Variants in ASH2L observed in about 807,000 individuals in gnomAD.
ASH2L encodes set1/Ash2 histone methyltransferase complex subunit ASH2.
Under a neutral mutation model 81.1 loss-of-function variants are expected in ASH2L, and 30 were observed. The observed-to-expected ratio is 0.37, with a 90% CI of 0.28 to 0.50. The LOEUF is 0.50. Ranked by LOEUF, ASH2L falls within the 20% of genes least tolerant of loss-of-function variation. The pLI is 0.95. For synonymous variants in ASH2L, 273 were observed against 279.9 expected, an observed-to-expected ratio of 0.98 and a Z score of 0.24; for missense variants, 559 against 792.1, an observed-to-expected ratio of 0.71 and a Z score of 3.53.
intron 10 of ASH2L, among the ~76,000 whole-genome samples, chr8:38,121,365 ATATAT>A (rs1204969937): frequency 7.1e-6 from 1 of 141,756 alleles, no homozygotes; most frequent in Non-Finnish European, 1.5e-5. Context: ...ATATATATAT[ATATAT>A]ATATATATGG....
In ASH2L at chr8:38,111,457, G is replaced by A. The variant is rs1810676345; in HGVS notation, c.585+624G>A. The stretch of plus-strand genomic sequence containing the variant: ...AGGTGGAATGTAGTGACACCATCAC[G>A]GCTCACCGAAGACTTGACCTCCTGG... On this transcript the variant is annotated intron_variant, in intron 5 of 15. Transcript: ENST00000343823. Among the ~76,000 whole-genome samples, 2 of 151,578 alleles carry A rather than the reference G, an allele frequency of 1.3e-5. 1 individual carries two copies. The highest frequency in any genetic ancestry group is 1.3e-4 in the Admixed American group (2 of 15,202).
In ASH2L at chr8:38,119,376, C is replaced by A; in HGVS notation, c.947+13C>A. 5.3e-6 allele frequency: 8 copies of A among 1,503,128 alleles called. No individual in the cohort carries two copies. The highest frequency in any genetic ancestry group is 7.1e-6 in the Non-Finnish European group (8 of 1,123,510). 93.1% of individuals were successfully genotyped at this position (1,503,128 alleles called of 1,614,324 possible). A position where few individuals can be genotyped will look rare whatever the true frequency, so the allele number is the denominator to read the frequency against. ...AGAAGGCCCGGAGGTGGGGAGAGTG[C>A]CCACCCTGCCCCCCTCACTATTTAA... On this transcript the variant is annotated intron_variant, in intron 9 of 15. Coordinates refer to ENST00000343823, the MANE Select transcript of ASH2L (RefSeq NM_004674.5).
intron 14 of ASH2L, among the ~76,000 whole-genome samples, chr8:38,136,830 GC>G (rs1323102111): frequency 6.6e-6 from 1 of 151,812 alleles, no homozygotes; most frequent in Non-Finnish European, 1.5e-5. Context: ...GGTGGCTCAT[GC>G]CTGTAATCCC....
chr8:38,125,064 A>G lies in ASH2L; in HGVS notation c.1166-3227A>G, dbSNP rs117776300. On this transcript the variant is annotated intron_variant, in intron 10 of 15. Transcript: ENST00000343823. Reference sequence around the variant, plus strand: ...ACTCACTCACATCCCCACATTCCGCATTAATCTGCTCTTGAGGTATCTGCC... The same window carrying G: ...ACTCACTCACATCCCCACATTCCGCGTTAATCTGCTCTTGAGGTATCTGCC... 5.5e-3 allele frequency among the ~76,000 whole-genome samples: 839 copies of G among 152,222 alleles called. 5 individuals carry two copies. Among genetic ancestry groups the G allele is most frequent in the Non-Finnish European group, 8.7e-3 (589 of 67,994 alleles).
chr8:38,107,923 C>CAT (rs1270834653), intron 3 of ASH2L, among the ~76,000 whole-genome samples: 3 of 128,824 alleles, frequency 2.3e-5, no homozygotes, highest in Non-Finnish European at 3.4e-5. Flanking sequence ...TATATATATA[C>CAT]ATATATATAT....
At chr8:38,114,317 C>A in intron 6 of ASH2L, 30 bp downstream of exon 6, 3 of 1,367,522 alleles carry the variant, frequency 2.2e-6, no homozygotes, top group Non-Finnish European at 3.1e-6. Flanking sequence ...TTAGACTTGA[C>A]ATTTAAAAAA....
chr8:38,127,165 G>GAAA (rs35487001), intron 10 of ASH2L, among the ~76,000 whole-genome samples: 8 of 140,560 alleles, frequency 5.7e-5, no homozygotes, highest in African/African-American at 7.9e-5. Context: ...TTATCTCAAG[G>GAAA]AAAAAAAAAA....
rs1250441477 is a variant in ASH2L at position 38,105,574 on chromosome 8, T to C, written c.24T>C (p.Pro8=). MAAAGAG[P]GQEAGAGPGP... is the part of the protein sequence containing the mutation. Reference sequence around the variant, plus strand: ...TGATGGCGGCGGCAGGAGCAGGACCTGGCCAGGAAGCGGGTGCCGGGCCTG... The same window carrying C: ...TGATGGCGGCGGCAGGAGCAGGACCCGGCCAGGAAGCGGGTGCCGGGCCTG... Residue 8 remains proline, a synonymous_variant, in exon 1 of 16, where the codon CCT becomes CCC. Transcript: ENST00000343823. 2 of 1,583,118 alleles carry C rather than the reference T, an allele frequency of 1.3e-6. No individual in the cohort carries two copies. The highest frequency in any genetic ancestry group is 1.1e-5 in the South Asian group (1 of 88,356).
At chr8:38,135,894 C>T in intron 14 of ASH2L, 128 bp downstream of exon 14, 3 of 634,204 alleles carry the variant, frequency 4.7e-6, no homozygotes. Context: ...TGTGTTGTTA[C>T]CATTACTGTT....
intron 14 of ASH2L, among the ~76,000 whole-genome samples, chr8:38,137,128 A>G (rs1285171748): frequency 2.1e-5 from 3 of 144,876 alleles, no homozygotes; most frequent in African/African-American, 7.7e-5. Context: ...CGCTGGGCAC[A>G]GTGGCTCACG....
chr8:38,117,485 G>A, intron 8 of ASH2L: 1 of 985,100 alleles, frequency 1.0e-6, no homozygotes, highest in Non-Finnish European at 1.2e-6. Flanking sequence ...TTCCTCCACT[G>A]TCTTCTTTCA....
Position 38,119,279 on chromosome 8 carries a change from C to T in ASH2L, c.863C>T (p.Ala288Val). The change falls in exon 9 of 16, where the codon GCA becomes GTA. Residue 288 changes from alanine to valine, a missense_variant. Transcript: ENST00000343823. ...TGCCTTCTCTTCAAAGGGGGAATTG[C>T]AGCAGGAAGCAGCGGAAAAGGACGA... ...STSGNLNGGIAAGSSGKGRGA... is the reference protein window; with the variant it reads ...STSGNLNGGIVAGSSGKGRGA... 1 of 1,550,268 alleles carries T rather than the reference C, an allele frequency of 6.5e-7. No individual in the cohort carries two copies. Among genetic ancestry groups the T allele is most frequent in the Non-Finnish European group, 8.7e-7 (1 of 1,146,430 alleles).
intron 3 of ASH2L, among the ~76,000 whole-genome samples, chr8:38,108,796 A>G (rs1810561246): frequency 6.6e-6 from 1 of 151,744 alleles, no homozygotes; most frequent in South Asian, 2.1e-4. Context: ...CTCAAAAAAA[A>G]AGGCCAGGCA....
At chr8:38,105,517 G>A, upstream of ASH2L, 1 of 1,518,018 alleles carries the variant, frequency 6.6e-7, no homozygotes. Flanking sequence ...CGAGAGAAGA[G>A]AGTATTCTCG....
intron 10 of ASH2L, among the ~76,000 whole-genome samples, chr8:38,126,980 GC>G (rs1294498485): frequency 6.6e-6 from 1 of 152,064 alleles, no homozygotes; most frequent in Admixed American, 6.6e-5. Context: ...TTTGAGACCA[GC>G]CTGGGCAACT....
chr8:38,118,422 A>G (rs559600953), intron 8 of ASH2L, among the ~76,000 whole-genome samples: 1 of 152,350 alleles, frequency 6.6e-6, no homozygotes, highest in African/African-American at 2.4e-5. Context: ...CAAAGTACCT[A>G]TTTCAGAAAT....
chr8:38,125,473 G>A (rs1801800561), intron 10 of ASH2L, among the ~76,000 whole-genome samples: 1 of 151,526 alleles, frequency 6.6e-6, no homozygotes, highest in African/African-American at 2.4e-5. Context: ...ATACAAAATT[G>A]CGGGCCTGGT....
In ASH2L at chr8:38,119,339, C is replaced by CA. The variant is rs1811037409; in HGVS notation, c.924dup (p.Gly309ArgfsTer9). On this transcript the variant is annotated frameshift_variant, in exon 9 of 16. Transcript: ENST00000343823. LOFTEE classifies it high-confidence loss of function. ...CGCAAACAGCAGGATGGAGGGACCA[C>CA]AGGGACCACCAAGAAGGCCCGGAGG... 6.5e-7 allele frequency: 1 copy of CA among 1,547,108 alleles called. No homozygotes were observed. Among genetic ancestry groups the CA allele is most frequent in the Non-Finnish European group, 8.7e-7 (1 of 1,145,588 alleles).
chr8:38,124,080 A>G (rs1259597880), intron 10 of ASH2L: 2 of 152,192 alleles, frequency 1.3e-5, no homozygotes, highest in Admixed American at 6.5e-5. Context: ...AGCTCAGGTG[A>G]TCTGCCCATC....
Sources: gnomAD v4.1 joint callset for allele counts (sites outside exome capture counted in the v4.1 genomes callset) on GRCh38, gnomAD v4.1.1 for gene constraint, MANE v1.5 for transcripts, NCBI Gene and HGNC (gene_info 2026-07-23, HGNC 2026-07-21) for gene names.